Variants in CS observed in about 807,000 individuals in gnomAD.
CS encodes citrate synthase.
In CS, 13 loss-of-function variants were observed where a neutral mutation model predicts 61.4. The observed-to-expected ratio is 0.21, with a 90% CI of 0.14 to 0.34. The LOEUF (loss-of-function observed/expected upper bound fraction) is 0.34. CS is among the 10% of genes least tolerant of loss of function. The pLI is 1.00. For missense variants in CS, 278 were observed against 573.4 expected (o/e 0.48, Z 5.26); for synonymous variants, 159 against 215.2 (o/e 0.74, Z 2.29).
chr12:56,288,234 C>T (rs1023542953), intron 1 of CS, among the ~76,000 whole-genome samples: 4 of 152,136 alleles, frequency 2.6e-5, no homozygotes, highest in Non-Finnish European at 5.9e-5. Flanking sequence ...TGCACCTGTC[C>T]TTTTGTCAAA....
rs1872748667 is a variant in CS, at chr12:56,280,440, A to AACCC, written c.588+1979_588+1980insGGGT. On this transcript the variant is annotated intron_variant, in intron 6 of 10. Transcript: ENST00000351328. ...CCAAAAAAAACAAAAAAAAAAAACA[A>AACCC]AAAAATTAGCCAGGAGTGGTGGTGT... Among the ~76,000 whole-genome samples the AACCC allele has an allele frequency of 5.8e-5, 7 of 119,848 alleles. 1 individual carries two copies. The highest frequency in any genetic ancestry group is 1.0e-4 in the Admixed American group (1 of 9,640). 78.6% of individuals were successfully genotyped at this position (119,848 alleles called of 152,430 possible). A position where few individuals can be genotyped will look rare whatever the true frequency, so the allele number is the denominator to read the frequency against.
chr12:56,288,018 C>G lies in CS; in HGVS notation c.43-1373G>C, dbSNP rs186835259. Reference sequence around the variant, plus strand: ...TACTAACTAGGAATACGGCCTGAGGCAAGGAAATTAATTTTTCTGTACTAG... The same window carrying G: ...TACTAACTAGGAATACGGCCTGAGGGAAGGAAATTAATTTTTCTGTACTAG... On this transcript the variant is annotated intron_variant, in intron 1 of 10. Coordinates refer to ENST00000351328, the MANE Select transcript of CS (RefSeq NM_004077.3). Among the ~76,000 whole-genome samples, 723 of 152,186 alleles carry G rather than the reference C, an allele frequency of 4.8e-3. 8 individuals are homozygous for G. Among genetic ancestry groups the G allele is most frequent in the African/African-American group, 0.017 (692 of 41,514 alleles).
intron 1 of CS, among the ~76,000 whole-genome samples, chr12:56,299,374 G>C (rs1475518002): frequency 6.6e-6 from 1 of 152,230 alleles, no homozygotes; most frequent in Non-Finnish European, 1.5e-5. Context: ...GGATAAAGTA[G>C]ACTTAAGATC....
intron 1 of CS, among the ~76,000 whole-genome samples, chr12:56,290,538 G>A (rs1873089078): frequency 6.6e-6 from 1 of 152,038 alleles, no homozygotes; most frequent in South Asian, 2.1e-4. Flanking sequence ...ACCGTTCGGT[G>A]TCAGGTTCAG....
chr12:56,289,843 G>A, intron 1 of CS, among the ~76,000 whole-genome samples: 1 of 152,076 alleles, frequency 6.6e-6, no homozygotes, highest in Non-Finnish European at 1.5e-5. Context: ...TCCTACCTCA[G>A]TCTCCCACAG....
chr12:56,278,188 T>C (rs1467996676), intron 6 of CS, among the ~76,000 whole-genome samples: 1 of 152,180 alleles, frequency 6.6e-6, no homozygotes, highest in African/African-American at 2.4e-5. Flanking sequence ...TGGAGTGCAA[T>C]GGTGCGATCT....
intron 1 of CS, among the ~76,000 whole-genome samples, chr12:56,292,381 A>G (rs1479894783): frequency 6.7e-6 from 1 of 148,772 alleles, no homozygotes; most frequent in Non-Finnish European, 1.5e-5. Flanking sequence ...ACAGAGCAAG[A>G]CTTGGTCTAA....
rs1437606548 is a variant in CS at position 56,272,753 on chromosome 12, G to A, written c.*331C>T. 5.4e-6 allele frequency: 1 copy of A among 186,702 alleles called. No homozygotes were observed. The highest frequency in any genetic ancestry group is 1.1e-5 in the Non-Finnish European group (1 of 90,322). The allele number at this position is 186,702 out of a possible 1,614,324, so 11.6% of individuals were successfully genotyped here. A position where few individuals can be genotyped will look rare whatever the true frequency, so the allele number is the denominator to read the frequency against. ...AAGTGACTACAGATTCTCTGCAACC[G>A]GCTTTGACCCATGGAAACAGGAGCC... On this transcript the variant is annotated 3_prime_UTR_variant, in exon 11 of 11. Transcript: ENST00000351328.
At position 56,273,732 on chromosome 12, in the gene CS, T is replaced by G; in HGVS notation, c.1085A>C (p.Glu362Ala). The change falls in exon 10 of 11, where the codon GAG becomes GCG. Residue 362 changes from glutamate (E) to alanine (A), a missense_variant. Glu to Ala is a moderately radical substitution (Grantham distance 107). Transcript: ENST00000351328. ...ATTAGGCAGGTGTTTCAGAGCAAAC[T>G]CTCGCTGACAGGTATATCGCGGATC... ...KTDPRYTCQR[E>A]FALKHLPNDP... 6.2e-7 allele frequency: 1 copy of G among 1,614,204 alleles called. No individual in the cohort carries two copies. The highest frequency in any genetic ancestry group is 8.5e-7 in the Non-Finnish European group (1 of 1,180,034).
At chr12:56,289,602 CCTGG>C (rs1873052043) in intron 1 of CS, among the ~76,000 whole-genome samples, 1 of 152,052 alleles carries the variant, frequency 6.6e-6, no homozygotes, top group Non-Finnish European at 1.5e-5. Flanking sequence ...CGCCACCACG[CCTGG>C]CTAATTTTTT....
intron 6 of CS, among the ~76,000 whole-genome samples, chr12:56,280,467 C>T (rs1166875628): frequency 2.1e-5 from 3 of 141,066 alleles, no homozygotes; most frequent in East Asian, 2.1e-4. Flanking sequence ...TGGTGGTGTG[C>T]GCCTGTAATG....
chr12:56,300,027 G>A (rs910303746), intron 1 of CS, 133 bp downstream of exon 1: 6 of 809,384 alleles, frequency 7.4e-6, no homozygotes, highest in East Asian at 3.2e-5. Flanking sequence ...CAGGGCTGGC[G>A]GCCAGCCAAG....
intron 1 of CS, among the ~76,000 whole-genome samples, chr12:56,297,797 C>T (rs1184881627): frequency 6.6e-6 from 1 of 152,248 alleles, no homozygotes; most frequent in Non-Finnish European, 1.5e-5. Context: ...TAGGAAATTA[C>T]TGCCTCCCAA....
rs1445933248 is a variant in CS at position 56,271,993 on chromosome 12, G to T, written c.*1091C>A. 2 of 430,236 alleles carry T rather than the reference G, an allele frequency of 4.6e-6. No individual in the cohort carries two copies. Among genetic ancestry groups the T allele is most frequent in the Non-Finnish European group, 9.3e-6 (2 of 215,068 alleles). 26.7% of individuals were successfully genotyped at this position (430,236 alleles called of 1,614,324 possible). A position where few individuals can be genotyped will look rare whatever the true frequency, so the allele number is the denominator to read the frequency against. Reference sequence around the variant, plus strand: ...AGCTCTCAGGGAAAGGGAGGAAAAAGATGTTGATAAATAAGGAGGCAATTT... The same window carrying T: ...AGCTCTCAGGGAAAGGGAGGAAAAATATGTTGATAAATAAGGAGGCAATTT... On this transcript the variant is annotated 3_prime_UTR_variant, in exon 11 of 11. Coordinates refer to ENST00000351328, the MANE Select transcript of CS (RefSeq NM_004077.3).
intron 3 of CS, 33 bp downstream of exon 3, chr12:56,285,883 T>TA (rs1307557132): frequency 2.6e-6 from 4 of 1,539,178 alleles, no homozygotes; most frequent in Non-Finnish European, 3.6e-6. Flanking sequence ...ATTACAGAGC[T>TA]ACTTTTCCCA....
intron 6 of CS, among the ~76,000 whole-genome samples, chr12:56,281,532 G>A (rs754026288): frequency 5.3e-5 from 8 of 152,304 alleles, no homozygotes; most frequent in South Asian, 2.1e-4. Context: ...TGCAATTGCT[G>A]TTCTCCCAAC....
chr12:56,277,426 C>G (rs185890383), intron 6 of CS, among the ~76,000 whole-genome samples: 6,805 of 144,250 alleles, frequency 0.047, 218 homozygotes, highest in Non-Finnish European at 0.07. Context: ...GTGAATCTGG[C>G]AGGTGGAGCT....
At chr12:56,294,185 C>T (rs567148803) in intron 1 of CS, among the ~76,000 whole-genome samples, 9 of 152,068 alleles carry the variant, frequency 5.9e-5, no homozygotes, top group African/African-American at 1.2e-4. Context: ...GAATAGTCAC[C>T]GATCACTGCT....
In CS at chr12:56,275,846, C is replaced by G. The variant is rs1056958048; in HGVS notation, c.788+150G>C. ...CCTCCTGACCTTGCTTACTAGACCC[C>G]TTTCTTGCCTTGGATCATCCTTTAT... On this transcript the variant is annotated intron_variant, in intron 7 of 10. Coordinates refer to ENST00000351328, the MANE Select transcript of CS (RefSeq NM_004077.3). The G allele has an allele frequency of 7.3e-6, 5 of 686,000 alleles. No individual in the cohort carries two copies. The African/African-American group carries it at 9.0e-5, about 12-fold the overall frequency. The allele number at this position is 686,000 out of a possible 1,614,324, so 42.5% of individuals were successfully genotyped here. A position where few individuals can be genotyped will look rare whatever the true frequency, so the allele number is the denominator to read the frequency against.
Sources: allele counts gnomAD v4.1 joint callset (sites outside exome capture counted in the v4.1 genomes callset), GRCh38; gene constraint gnomAD v4.1.1; transcripts MANE v1.5; gene names NCBI Gene and HGNC (gene_info 2026-07-23, HGNC 2026-07-21).